The following KIF1A variants were observed in gnomAD, a reference collection of about 807,000 sequenced individuals.
KIF1A encodes kinesin-like protein KIF1A.
A neutral mutation model predicts 227.3 loss-of-function variants in KIF1A; 46 were observed. That is an observed-to-expected ratio of 0.20 (90% confidence interval 0.16 to 0.26). The LOEUF (loss-of-function observed/expected upper bound fraction) is 0.26, where lower values mean the gene tolerates loss of function less well. KIF1A is among the 10% of genes least tolerant of loss of function. The pLI is 1.00. For synonymous variants in KIF1A, 1,022 were observed against 1,012.8 expected (o/e 1.01, Z -0.17); for missense variants, 1,683 against 2,485.9 (o/e 0.68, Z 6.87).
At chr2:240,802,357 G>A (rs1022444782) in intron 1 of KIF1A, among the ~76,000 whole-genome samples, 3 of 152,178 alleles carry the variant, frequency 2.0e-5, no homozygotes, top group Non-Finnish European at 4.4e-5. Context: ...TTTATTGTAT[G>A]AATCCAATAG....
At chr2:240,742,781 G>A (rs897390337) in intron 34 of KIF1A, 148 bp downstream of exon 34, 2 of 686,968 alleles carry the variant, frequency 2.9e-6, no homozygotes, top group Admixed American at 2.3e-5. Flanking sequence ...ACCCCGTGAG[G>A]CCTGACAGGC....
chr2:240,753,882 G>A (rs562629603), intron 27 of KIF1A, among the ~76,000 whole-genome samples: 1 of 152,252 alleles, frequency 6.6e-6, no homozygotes, highest in East Asian at 1.9e-4. Context: ...GCCTGCAAGG[G>A]ACTCATCTCC....
chr2:240,737,005 G>A, intron 38 of KIF1A, 58 bp downstream of exon 38: 1 of 1,409,432 alleles, frequency 7.1e-7, no homozygotes, highest in Non-Finnish European at 1.0e-6. Context: ...GGTTGGCTGA[G>A]GGCCTGGCAG....
rs2125890547 is a variant in KIF1A at position 240,760,793 on chromosome 2, T to C, written c.2316A>G (p.Pro772=). Residue 772 remains proline, a synonymous_variant, in exon 25 of 49, where the codon CCA becomes CCG. Transcript: ENST00000498729. ...CGGCCTCTGGGGGCAGCAGGTCGGG[T>C]GGCAGAGGGGAGTAGAGTGTGTCCG... The part of the protein sequence containing the change: ...LLTDTLYSPL[P]PDLLPPEAAK... The C allele has an allele frequency of 6.2e-7, 1 of 1,604,398 alleles. No individual in the cohort carries two copies. The highest frequency in any genetic ancestry group is 8.5e-7 in the Non-Finnish European group (1 of 1,176,234).
intron 10 of KIF1A, among the ~76,000 whole-genome samples, chr2:240,776,578 CATA>C (rs1290998272): frequency 6.6e-6 from 1 of 152,256 alleles, no homozygotes; most frequent in Non-Finnish European, 1.5e-5. Context: ...ACTCCATCCA[CATA>C]ATGCCTGCCA....
chr2:240,767,173 C>T (rs1020554925), intron 18 of KIF1A, 93 bp downstream of exon 18: 3 of 1,193,644 alleles, frequency 2.5e-6, no homozygotes, highest in Admixed American at 3.8e-5. Context: ...AACTCAGTGG[C>T]CCCTCTGCAG....
At chr2:240,738,942 C>T (rs562635645) in intron 37 of KIF1A, among the ~76,000 whole-genome samples, 1 of 152,372 alleles carries the variant, frequency 6.6e-6, no homozygotes, top group East Asian at 1.9e-4. Flanking sequence ...TGGCCGGGTC[C>T]ATAAACCAGC....
Position 240,741,160 on chromosome 2 carries a change from A to C in KIF1A, c.3749+109T>G. On this transcript the variant is annotated intron_variant, in intron 35 of 48. Coordinates refer to ENST00000498729, the MANE Select transcript of KIF1A (RefSeq NM_001244008.2). Reference sequence around the variant, plus strand: ...GAGGTCTGCAGTGAACACCCGCTGGAAGAACGACTCTGGATGCTGGCAACC... The same window carrying C: ...GAGGTCTGCAGTGAACACCCGCTGGCAGAACGACTCTGGATGCTGGCAACC... The C allele has an allele frequency of 9.7e-6, 7 of 718,904 alleles. No individual in the cohort carries two copies. In the South Asian group the frequency reaches 1.2e-4, roughly 13 times the overall value. 44.5% of individuals were successfully genotyped at this position (718,904 alleles called of 1,614,324 possible). A position where few individuals can be genotyped will look rare whatever the true frequency, so the allele number is the denominator to read the frequency against.
chr2:240,730,695 T>C (rs149484307), intron 38 of KIF1A, among the ~76,000 whole-genome samples: 559 of 152,284 alleles, frequency 3.7e-3, no homozygotes, highest in African/African-American at 0.012. Flanking sequence ...CAGGGGATTG[T>C]GCTTGAACCC....
At position 240,793,517 on chromosome 2, in the gene KIF1A, C is replaced by T. The variant is rs2055999407; in HGVS notation, c.106+4130G>A. The stretch of plus-strand genomic sequence containing the variant: ...AGAATGGCTGGGCAGGCTCAGGGCC[C>T]TCACGTCCTCCGGTCCTCAGGGCAG... On this transcript the variant is annotated intron_variant, in intron 2 of 48. Transcript: ENST00000498729. This position sits in a 1 kb window ranked among gnomAD's most constrained non-coding sequence, Gnocchi z 4.8. Among the ~76,000 whole-genome samples, 1 of 152,132 alleles carries T rather than the reference C, an allele frequency of 6.6e-6. No homozygotes were observed. Among genetic ancestry groups the T allele is most frequent in the African/African-American group, 2.4e-5 (1 of 41,432 alleles).
chr2:240,784,891 G>T, intron 7 of KIF1A, 98 bp downstream of exon 7: 7 of 959,498 alleles, frequency 7.3e-6, no homozygotes, highest in Non-Finnish European at 1.0e-5. Context: ...CCAGCATTGG[G>T]CCTGTCCTTG....
intron 28 of KIF1A, 62 bp from the exon 29 acceptor site, chr2:240,747,383 G>T: frequency 1.4e-6 from 2 of 1,387,372 alleles, no homozygotes; most frequent in African/African-American, 1.4e-5. Flanking sequence ...GGTGTGGGCA[G>T]AGCCAGGCTG....
chr2:240,805,121 AG>A (rs2057305826), intron 1 of KIF1A, among the ~76,000 whole-genome samples: 1 of 27,568 alleles, frequency 3.6e-5, no homozygotes, highest in African/African-American at 1.8e-4. Flanking sequence ...GGGAGAGGGG[AG>A]GGAGGGCGGA....
rs772178620 is a variant in KIF1A, at chr2:240,780,830, C to CCACACACA, written c.882+1752_882+1759dup. Among the ~76,000 whole-genome samples, 31 of 10,078 alleles carry CCACACACA rather than the reference C, an allele frequency of 3.1e-3. 4 individuals are homozygous for CCACACACA. Among genetic ancestry groups the CCACACACA allele is most frequent in the African/African-American group, 0.017 (27 of 1,632 alleles). The allele number at this position is 10,078 out of a possible 152,430, so 6.6% of individuals were successfully genotyped here. Reference sequence around the variant, plus strand: ...CACACACACACACACACACACAGCTCCACACACACACACAGCTCCACACAC... The same window carrying CCACACACA: ...CACACACACACACACACACACAGCTCCACACACACACACACACACACAGCTCCACACAC... On this transcript the variant is annotated intron_variant, in intron 10 of 48. Coordinates refer to ENST00000498729, the MANE Select transcript of KIF1A (RefSeq NM_001244008.2).
chr2:240,718,920 C>T, intron 47 of KIF1A, 86 bp downstream of exon 47: 1 of 1,149,624 alleles, frequency 8.7e-7, no homozygotes, highest in Non-Finnish European at 1.3e-6. Flanking sequence ...GCCTCCTGCT[C>T]TGACGCAGGG....
chr2:240,777,082 T>TCAC (rs2052844188), intron 10 of KIF1A, among the ~76,000 whole-genome samples: 1 of 152,202 alleles, frequency 6.6e-6, no homozygotes, highest in South Asian at 2.1e-4. Flanking sequence ...TCTCCCTCTG[T>TCAC]CACCAGGCTG....
At chr2:240,755,434 G>T (rs1480614830) in intron 27 of KIF1A, among the ~76,000 whole-genome samples, 2 of 152,198 alleles carry the variant, frequency 1.3e-5, no homozygotes, top group East Asian at 3.9e-4. Context: ...CTTTCCAGAG[G>T]GGACAAGAGT....
At chr2:240,735,590 T>A (rs992202154) in intron 38 of KIF1A, among the ~76,000 whole-genome samples, 2 of 152,054 alleles carry the variant, frequency 1.3e-5, no homozygotes, top group African/African-American at 4.8e-5. Flanking sequence ...CCAAAGCACA[T>A]CTCACATGGC....
rs1391770176 is a variant in KIF1A at position 240,792,617 on chromosome 2, G to A, written c.107-3305C>T. Among the ~76,000 whole-genome samples the A allele has an allele frequency of 2.0e-5, 3 of 152,138 alleles. No individual in the cohort carries two copies. The highest frequency in any genetic ancestry group is 1.9e-4 in the East Asian group (1 of 5,190). On this transcript the variant is annotated intron_variant, in intron 2 of 48. Coordinates refer to ENST00000498729, the MANE Select transcript of KIF1A (RefSeq NM_001244008.2). This position sits in a 1 kb window ranked among gnomAD's most constrained non-coding sequence, Gnocchi z 4.5. ...TTTCTCAGAGTCTCAGCTTTCCTGCGGCCTTGAGCACCAGGTGTGAGGGCC... is the reference window on the plus strand; with the variant it reads ...TTTCTCAGAGTCTCAGCTTTCCTGCAGCCTTGAGCACCAGGTGTGAGGGCC...
Sources: gnomAD v4.1 joint callset for allele counts (sites outside exome capture counted in the v4.1 genomes callset) on GRCh38, gnomAD v4.1.1 for gene constraint, Gnocchi (gnomAD v3.1) non-coding constraint, MANE v1.5 for transcripts, NCBI Gene and HGNC (gene_info 2026-07-23, HGNC 2026-07-21) for gene names.